Variants in CHD1L observed in about 807,000 individuals in gnomAD.
CHD1L encodes chromodomain helicase DNA binding protein 1 like.
A neutral mutation model predicts 115.9 loss-of-function variants in CHD1L; 118 were observed. The ratio of observed to expected loss-of-function variants is 1.02; its 90% CI spans 0.88 to 1.19. The LOEUF (loss-of-function observed/expected upper bound fraction) is 1.19. CHD1L is among the 50% of genes most tolerant of loss of function. The pLI is 0.00. For missense variants in CHD1L, 1,179 were observed against 1,065.3 expected (o/e 1.11, Z -1.49); for synonymous variants, 411 against 387.1 (o/e 1.06, Z -0.72).
intron 6 of CHD1L, 191 bp downstream of exon 6, chr1:147,260,109 C>T: frequency 4.4e-6 from 2 of 451,220 alleles, no homozygotes; most frequent in Non-Finnish European, 8.0e-6. Context: ...ATCAACATAC[C>T]CCACCAGAGT....
In CHD1L at chr1:147,286,497, G is replaced by C. The variant is rs142193146; in HGVS notation, c.2218G>C (p.Val740Leu). Reference protein sequence around the residue: ...GAEDALIVHCVDDSGHWGRGG... With the variant: ...GAEDALIVHCLDDSGHWGRGG... Reference sequence around the variant, plus strand: ...CGAGGATGCTCTCATTGTGCACTGCGTAGGTACGAGAAGTGGTATGGGCTG... The same window carrying C: ...CGAGGATGCTCTCATTGTGCACTGCCTAGGTACGAGAAGTGGTATGGGCTG... The change falls in exon 18 of 23, where the codon GTA (valine) becomes CTA (leucine). Residue 740 changes from valine to leucine, a missense_variant. Physicochemically the swap from Val to Leu is conservative, Grantham distance 32 (BLOSUM62 1). Coordinates refer to ENST00000369258, the MANE Select transcript of CHD1L (RefSeq NM_004284.6). 11 of 1,613,128 alleles carry C rather than the reference G, an allele frequency of 6.8e-6. No individual in the cohort carries two copies. Among genetic ancestry groups the C allele is most frequent in the Non-Finnish European group, 9.3e-6 (11 of 1,179,856 alleles).
intron 16 of CHD1L, 91 bp from the exon 17 acceptor site, chr1:147,285,233 G>A: frequency 7.2e-7 from 1 of 1,382,500 alleles, no homozygotes; most frequent in Non-Finnish European, 9.9e-7. Context: ...GGAATATTAA[G>A]CATGTTGCTT....
the CHD1L span, among the ~76,000 whole-genome samples, chr1:147,183,114 C>T: frequency 4.6e-5 from 7 of 152,130 alleles, no homozygotes; most frequent in African/African-American, 2.4e-5. Flanking sequence ...AGGAGAATGG[C>T]GTGAAGCCGG....
In CHD1L at chr1:147,276,167, A is replaced by G. The variant is rs199998400; in HGVS notation, c.1449A>G (p.Ala483=). 6.2e-7 allele frequency: 1 copy of G among 1,614,230 alleles called. No homozygotes were observed. The highest frequency in any genetic ancestry group is 8.5e-7 in the Non-Finnish European group (1 of 1,180,030). The stretch of plus-strand genomic sequence containing the variant: ...TGGAAGAAATAGTCTATAGGAAAGC[A>G]GCCTCCAAACTGCAGCTCACCAACA... The part of the protein sequence containing the change: ...DTVEEIVYRK[A]ASKLQLTNMI... The change falls in exon 14 of 23, where the codon GCA becomes GCG. Residue 483 remains alanine, a synonymous_variant. Transcript: ENST00000369258.
chr1:147,228,820 T>C, the CHD1L span, among the ~76,000 whole-genome samples: 1 of 152,244 alleles, frequency 6.6e-6, no homozygotes, highest in African/African-American at 2.4e-5. Flanking sequence ...TTGAGAAGTG[T>C]CTCTTCATTT....
chr1:147,191,161 T>C, the CHD1L span, among the ~76,000 whole-genome samples: 2 of 152,180 alleles, frequency 1.3e-5, no homozygotes, highest in Non-Finnish European at 2.9e-5. Context: ...CATGTGTCTT[T>C]ATAGCAGCAT....
chr1:147,185,991 ATACT>A, the CHD1L span, among the ~76,000 whole-genome samples: 8 of 152,218 alleles, frequency 5.3e-5, no homozygotes, highest in African/African-American at 1.9e-4. Context: ...ACTTGTTCAA[ATACT>A]TACTTAGACT....
At chr1:147,273,552 T>G (rs782542014) in intron 12 of CHD1L, among the ~76,000 whole-genome samples, 3 of 152,230 alleles carry the variant, frequency 2.0e-5, no homozygotes, top group Non-Finnish European at 4.4e-5. Context: ...TTTTCTCATG[T>G]GATCAGTTGC....
chr1:147,245,264 T>A (rs1299573750), intron 1 of CHD1L, among the ~76,000 whole-genome samples: 3 of 152,208 alleles, frequency 2.0e-5, no homozygotes, highest in African/African-American at 7.2e-5. Flanking sequence ...CTGGGAGATT[T>A]GGAAGGGGAA....
At chr1:147,276,366 T>G in intron 14 of CHD1L, 109 bp downstream of exon 14, 1 of 1,158,154 alleles carries the variant, frequency 8.6e-7, no homozygotes, top group Non-Finnish European at 1.2e-6. Flanking sequence ...TACACATTTG[T>G]TCCTTGGCCT....
At chr1:147,202,750 G>A in the CHD1L span, among the ~76,000 whole-genome samples, 3 of 152,092 alleles carry the variant, frequency 2.0e-5, no homozygotes, top group South Asian at 4.1e-4. Flanking sequence ...ACACTAGGTC[G>A]ATTGTGTTCT....
intron 12 of CHD1L, among the ~76,000 whole-genome samples, chr1:147,274,808 C>G (rs1677691249): frequency 6.6e-6 from 1 of 152,136 alleles, no homozygotes; most frequent in Admixed American, 6.5e-5. Context: ...AAAAGACTCA[C>G]TGGAGTTTTC....
the CHD1L span, chr1:147,178,099 C>A: frequency 1.1e-5 from 17 of 1,537,640 alleles, 1 homozygote; most frequent in East Asian, 4.0e-4. Flanking sequence ...GCTGCCCCCA[C>A]CCCACCTCGC....
chr1:147,198,904 T>G, the CHD1L span, among the ~76,000 whole-genome samples: 3 of 136,602 alleles, frequency 2.2e-5, no homozygotes, highest in African/African-American at 5.3e-5. Flanking sequence ...AAATTGGAGG[T>G]TGTATCCAAT....
At chr1:147,259,572 T>C in intron 5 of CHD1L, 1 of 294,112 alleles carries the variant, frequency 3.4e-6, no homozygotes, top group Non-Finnish European at 6.4e-6. Context: ...AAATGTTTCC[T>C]TTTCCTTTCT....
At chr1:147,251,475 C>T (rs1314981633) in intron 1 of CHD1L, among the ~76,000 whole-genome samples, 1 of 152,096 alleles carries the variant, frequency 6.6e-6, no homozygotes, top group Non-Finnish European at 1.5e-5. Flanking sequence ...GGGATAATAC[C>T]TACTCCATAG....
intron 10 of CHD1L, among the ~76,000 whole-genome samples, chr1:147,270,602 A>T (rs193224272): frequency 6.6e-6 from 1 of 151,950 alleles, no homozygotes; most frequent in Non-Finnish European, 1.5e-5. Flanking sequence ...ATGAAAGCTT[A>T]TATTTCTTTC....
the CHD1L span, among the ~76,000 whole-genome samples, chr1:147,185,161 A>C: frequency 7.0e-6 from 1 of 143,602 alleles, no homozygotes; most frequent in Non-Finnish European, 1.5e-5. Context: ...GAGCTAAAAA[A>C]TCATTAACCA....
the CHD1L span, among the ~76,000 whole-genome samples, chr1:147,217,303 G>C: frequency 5.9e-5 from 9 of 151,896 alleles, no homozygotes; most frequent in African/African-American, 1.9e-4. Context: ...CATTGTTGTG[G>C]TGATCACATA....
Sources: gnomAD v4.1 joint callset for allele counts (sites outside exome capture counted in the v4.1 genomes callset) on GRCh38, gnomAD v4.1.1 for gene constraint, MANE v1.5 for transcripts, NCBI Gene and HGNC (gene_info 2026-07-23, HGNC 2026-07-21) for gene names.